PDE8B: variants seen among roughly 807,000 people sequenced by gnomAD.
The protein encoded by PDE8B is high affinity cAMP-specific and IBMX-insensitive 3',5'-cyclic phosphodiesterase 8B.
Under a neutral mutation model 101.3 loss-of-function variants are expected in PDE8B, and 26 were observed. The observed-to-expected ratio is 0.26, with a 90% confidence interval of 0.19 to 0.36. The LOEUF is 0.36. Among genes scored for constraint, PDE8B ranks in the 10% least tolerant of loss-of-function variants. The pLI is 1.00. For synonymous variants in PDE8B, 424 were observed against 429.3 expected (o/e 0.99, Z 0.15); for missense variants, 810 against 1,163.1 (o/e 0.70, Z 4.42).
chr5:77,319,181 C>T (rs1425928204), intron 2 of PDE8B, among the ~76,000 whole-genome samples: 3 of 152,166 alleles, frequency 2.0e-5, no homozygotes, highest in Admixed American at 2.0e-4. Context: ...AACACCAGAC[C>T]CCCAACAACA....
intron 1 of PDE8B, among the ~76,000 whole-genome samples, chr5:77,216,721 G>A (rs1229079142): frequency 6.6e-6 from 1 of 152,220 alleles, no homozygotes; most frequent in Non-Finnish European, 1.5e-5. Context: ...GGAGTGGACA[G>A]GGAGGGAGCC....
intron 2 of PDE8B, among the ~76,000 whole-genome samples, chr5:77,318,982 C>G (rs925095484): frequency 1.2e-4 from 19 of 152,138 alleles, no homozygotes; most frequent in Admixed American, 1.2e-3. Flanking sequence ...TTGTTTTCAT[C>G]TTTTTTTATA....
At chr5:77,245,457 A>G (rs1240038018) in intron 1 of PDE8B, among the ~76,000 whole-genome samples, 4 of 152,238 alleles carry the variant, frequency 2.6e-5, no homozygotes, top group Non-Finnish European at 5.9e-5. Flanking sequence ...ATCATTAACA[A>G]TGACTATTTT....
chr5:77,257,636 C>A (rs1338987364), intron 1 of PDE8B, among the ~76,000 whole-genome samples: 1 of 152,100 alleles, frequency 6.6e-6, no homozygotes. Flanking sequence ...CCAGAGTTCT[C>A]AACACCCTTT....
chr5:77,388,497 G>A (rs532041261), intron 10 of PDE8B, among the ~76,000 whole-genome samples: 3 of 152,210 alleles, frequency 2.0e-5, no homozygotes, highest in African/African-American at 7.2e-5. Context: ...TCCTGTATGA[G>A]GTGTCTGTCG....
At chr5:77,161,556 A>C in the PDE8B span, among the ~76,000 whole-genome samples, 1 of 152,084 alleles carries the variant, frequency 6.6e-6, no homozygotes. Flanking sequence ...GCTGATATGG[A>C]CTTCTGAGTA....
the PDE8B span, among the ~76,000 whole-genome samples, chr5:77,195,106 C>G: frequency 2.0e-5 from 3 of 152,310 alleles, no homozygotes; most frequent in African/African-American, 7.2e-5. Flanking sequence ...TTTATTTTCT[C>G]TCAGTTCAGG....
chr5:77,420,130 G>A (rs1796328657), intron 19 of PDE8B, among the ~76,000 whole-genome samples: 1 of 152,142 alleles, frequency 6.6e-6, no homozygotes, highest in Admixed American at 6.5e-5. Flanking sequence ...AGAAAAGCTT[G>A]GCCCAAAGAA....
chr5:77,139,060 C>A, the PDE8B span, among the ~76,000 whole-genome samples: 1 of 152,224 alleles, frequency 6.6e-6, no homozygotes, highest in African/African-American at 2.4e-5. Flanking sequence ...AAGTCGTTCC[C>A]AGTTAGTCAA....
intron 10 of PDE8B, among the ~76,000 whole-genome samples, chr5:77,364,734 G>A (rs1376903917): frequency 6.6e-6 from 1 of 152,074 alleles, no homozygotes; most frequent in Non-Finnish European, 1.5e-5. Context: ...GTATGTACTC[G>A]AGGGTCTGGG....
At chr5:77,091,323 T>TA in the PDE8B span, among the ~76,000 whole-genome samples, 1 of 152,016 alleles carries the variant, frequency 6.6e-6, no homozygotes, top group Non-Finnish European at 1.5e-5. Context: ...TTCGTATCAA[T>TA]AAAAAAATGA....
chr5:77,273,908 C>T (rs1395769203), intron 1 of PDE8B, among the ~76,000 whole-genome samples: 2 of 151,564 alleles, frequency 1.3e-5, no homozygotes, highest in East Asian at 1.9e-4. Context: ...CTGCAACCTC[C>T]GCCTCTTGAG....
the PDE8B span, among the ~76,000 whole-genome samples, chr5:77,175,172 C>T: frequency 6.6e-6 from 1 of 152,206 alleles, no homozygotes; most frequent in Non-Finnish European, 1.5e-5. Context: ...TCTCCCCTGC[C>T]TTCTGCCTAG....
At chr5:77,138,230 C>T in the PDE8B span, among the ~76,000 whole-genome samples, 62 of 152,018 alleles carry the variant, frequency 4.1e-4, no homozygotes, top group African/African-American at 1.4e-3. Context: ...TTCTCTTCAG[C>T]CCCCTCCCAT....
chr5:77,417,439 C>A (rs1795802881), intron 17 of PDE8B, among the ~76,000 whole-genome samples: 1 of 152,206 alleles, frequency 6.6e-6, no homozygotes, highest in Admixed American at 6.5e-5. Flanking sequence ...ATCATCATGG[C>A]AGCTCTGGCA....
chr5:77,398,318 C>CTTTTTTTTT (rs70988672), intron 10 of PDE8B, among the ~76,000 whole-genome samples: 1 of 116,008 alleles, frequency 8.6e-6, no homozygotes, highest in Non-Finnish European at 1.7e-5. Flanking sequence ...AGCTGTTTTA[C>CTTTTTTTTT]TTTTTTTTTT....
intron 17 of PDE8B, among the ~76,000 whole-genome samples, chr5:77,415,605 C>G (rs562095519): frequency 3.2e-4 from 48 of 152,204 alleles, no homozygotes; most frequent in Non-Finnish European, 6.2e-4. Context: ...ATAATCCACC[C>G]ACCTCGACCT....
intron 11 of PDE8B, among the ~76,000 whole-genome samples, chr5:77,404,370 C>T (rs775419155): frequency 2.0e-5 from 3 of 151,990 alleles, no homozygotes; most frequent in Non-Finnish European, 2.9e-5. Context: ...GTGATCCACC[C>T]GCCTGCCTCA....
chr5:77,097,831 T>C, the PDE8B span, among the ~76,000 whole-genome samples: 4 of 146,906 alleles, frequency 2.7e-5, no homozygotes, highest in African/African-American at 9.9e-5. Context: ...TTAATCCTAA[T>C]ACTACAGCAC....
Sources: allele counts gnomAD v4.1 joint callset (sites outside exome capture counted in the v4.1 genomes callset), GRCh38; gene constraint gnomAD v4.1.1; transcripts MANE v1.5; gene names NCBI Gene and HGNC (gene_info 2026-07-23, HGNC 2026-07-21).